The following CNTNAP4 variants were observed in gnomAD, a reference collection of about 807,000 sequenced individuals.
The protein encoded by CNTNAP4 is contactin associated protein family member 4, also known as contactin-associated protein-like 4.
In CNTNAP4, 98 loss-of-function variants were observed where a neutral mutation model predicts 148.4. The ratio of observed to expected loss-of-function variants is 0.66; its 90% CI spans 0.56 to 0.78. The LOEUF is 0.78. CNTNAP4 is among the 30% of genes least tolerant of loss of function. The probability of loss-of-function intolerance (pLI) is 0.00; values close to 1 mark genes in which losing one functional copy is unlikely to be tolerated. For missense variants in CNTNAP4, 1,935 were observed against 1,565.6 expected, an observed-to-expected ratio of 1.24 and a Z score of -3.98; for synonymous variants, 730 against 565.1, an observed-to-expected ratio of 1.29 and a Z score of -4.14.
At chr16:76,285,507 T>G (rs1315526293) in intron 1 of CNTNAP4, among the ~76,000 whole-genome samples, 1 of 152,072 alleles carries the variant, frequency 6.6e-6, no homozygotes, top group Non-Finnish European at 1.5e-5. Context: ...GTACCTCTCA[T>G]TACTTGGCAG....
intron 4 of CNTNAP4, among the ~76,000 whole-genome samples, chr16:76,440,538 C>T (rs558614398): frequency 6.6e-6 from 1 of 152,174 alleles, no homozygotes; most frequent in East Asian, 1.9e-4. Context: ...AATTCATTTC[C>T]AGGTACAATT....
intron 3 of CNTNAP4, among the ~76,000 whole-genome samples, chr16:76,367,633 C>A (rs1169935608): frequency 6.6e-6 from 1 of 152,156 alleles, no homozygotes; most frequent in African/African-American, 2.4e-5. Flanking sequence ...AAAGGGCAGG[C>A]AACCACACAG....
chr16:76,519,620 G>A (rs909563388), intron 15 of CNTNAP4, among the ~76,000 whole-genome samples: 1 of 152,148 alleles, frequency 6.6e-6, no homozygotes, highest in Non-Finnish European at 1.5e-5. Context: ...CAAATGTGTT[G>A]TTATCCCTGA....
chr16:76,494,023 C>G (rs1286100751), intron 13 of CNTNAP4, among the ~76,000 whole-genome samples: 2 of 151,864 alleles, frequency 1.3e-5, no homozygotes, highest in Admixed American at 6.6e-5. Flanking sequence ...CTGACTGATT[C>G]TATGTTGCTT....
chr16:76,385,106 T>G (rs898968432), intron 3 of CNTNAP4, among the ~76,000 whole-genome samples: 8 of 152,200 alleles, frequency 5.3e-5, no homozygotes, highest in African/African-American at 1.9e-4. Flanking sequence ...GGAGCATAAT[T>G]ATAAATATTT....
In CNTNAP4 at chr16:76,537,388, A is replaced by C. The variant is rs191069065; in HGVS notation, c.2996-728A>C. Reference sequence around the variant, plus strand: ...GTAATGGAGAGAAGCAGATTCAGGGATTTAAAACTAGTTATTTCTTCTGCC... The same window carrying C: ...GTAATGGAGAGAAGCAGATTCAGGGCTTTAAAACTAGTTATTTCTTCTGCC... On this transcript the variant is annotated intron_variant, in intron 18 of 23. Transcript: ENST00000611870. Among the ~76,000 whole-genome samples, 120 of 152,242 alleles carry C rather than the reference A, an allele frequency of 7.9e-4. 1 individual carries two copies. The highest frequency in any genetic ancestry group is 5.9e-5 in the Non-Finnish European group (4 of 67,974).
At chr16:76,498,720 C>A in intron 15 of CNTNAP4, 26 bp downstream of exon 15, 2 of 1,559,568 alleles carry the variant, frequency 1.3e-6, no homozygotes, top group South Asian at 1.2e-5. Flanking sequence ...GTGTTGAAAC[C>A]GTATTTGAGA....
chr16:76,474,586 C>A (rs986217544), intron 10 of CNTNAP4, among the ~76,000 whole-genome samples: 4 of 152,048 alleles, frequency 2.6e-5, no homozygotes, highest in Non-Finnish European at 1.5e-5. Context: ...CAAATGTGTT[C>A]TTGCAGGTTT....
intron 23 of CNTNAP4, chr16:76,558,223 T>C: frequency 3.1e-6 from 1 of 323,764 alleles, no homozygotes; most frequent in East Asian, 5.5e-5. Flanking sequence ...TACCTTGTGT[T>C]AAATATAAAT....
chr16:76,350,533 A>T (rs935690079), intron 2 of CNTNAP4, among the ~76,000 whole-genome samples: 5 of 152,322 alleles, frequency 3.3e-5, no homozygotes, highest in African/African-American at 1.2e-4. Context: ...CAGAAATCTG[A>T]TGTTGAAAAG....
At chr16:76,499,585 C>A (rs537317134) in intron 15 of CNTNAP4, among the ~76,000 whole-genome samples, 2 of 150,962 alleles carry the variant, frequency 1.3e-5, no homozygotes, top group South Asian at 4.2e-4. Flanking sequence ...ATTTATTGAT[C>A]ATTCTTGGGT....
At chr16:76,311,446 T>G (rs1961097858) in intron 1 of CNTNAP4, among the ~76,000 whole-genome samples, 1 of 152,180 alleles carries the variant, frequency 6.6e-6, no homozygotes, top group African/African-American at 2.4e-5. Flanking sequence ...ATATGGTGTA[T>G]CTATATGAAA....
chr16:76,308,422 C>G (rs1245216383), intron 1 of CNTNAP4, among the ~76,000 whole-genome samples: 1 of 152,044 alleles, frequency 6.6e-6, no homozygotes, highest in African/African-American at 2.4e-5. Flanking sequence ...GTCAGTTTTC[C>G]CTAAACTTAT....
Position 76,436,987 on chromosome 16 carries a change from GTCTA to G in CNTNAP4, c.538+9393_538+9396del, listed in dbSNP as rs59086267. On this transcript the variant is annotated intron_variant, in intron 4 of 23. Coordinates refer to ENST00000611870, the MANE Select transcript of CNTNAP4 (RefSeq NM_033401.5). The stretch of plus-strand genomic sequence containing the variant: ...TATCTATCTATCTATCTATCTATCT[GTCTA>G]TCTAGGAGTTTATTAAGGAGTATTA... 4.0e-5 allele frequency among the ~76,000 whole-genome samples: 6 copies of G among 151,310 alleles called. No individual in the cohort carries two copies. The East Asian group carries it at 7.8e-4, about 20-fold the overall frequency.
intron 4 of CNTNAP4, among the ~76,000 whole-genome samples, chr16:76,439,599 C>T (rs932904886): frequency 1.9e-4 from 29 of 152,138 alleles, no homozygotes; most frequent in African/African-American, 6.5e-4. Context: ...AATTTCAAAT[C>T]TGTTTAAAAG....
At chr16:76,356,871 G>C (rs1339111472) in intron 3 of CNTNAP4, among the ~76,000 whole-genome samples, 1 of 151,960 alleles carries the variant, frequency 6.6e-6, no homozygotes, top group Non-Finnish European at 1.5e-5. Context: ...TAAAGCTCTT[G>C]GTGGCCATTC....
intron 3 of CNTNAP4, among the ~76,000 whole-genome samples, chr16:76,401,958 G>A (rs1442373703): frequency 6.6e-6 from 1 of 152,040 alleles, no homozygotes. Flanking sequence ...ATTTTGTTGA[G>A]GATTTTTGTA....
chr16:76,285,790 G>T (rs771454872), intron 1 of CNTNAP4, among the ~76,000 whole-genome samples: 1 of 151,578 alleles, frequency 6.6e-6, no homozygotes, highest in Non-Finnish European at 1.5e-5. Flanking sequence ...CTTTGAATAA[G>T]GACACGGATA....
intron 1 of CNTNAP4, among the ~76,000 whole-genome samples, chr16:76,288,021 TC>T (rs1597084337): frequency 6.6e-6 from 1 of 152,106 alleles, no homozygotes; most frequent in East Asian, 1.9e-4. Context: ...TGGCTCTATT[TC>T]CCCCACCCAA....
Sources: allele counts gnomAD v4.1 joint callset (sites outside exome capture counted in the v4.1 genomes callset), GRCh38; gene constraint gnomAD v4.1.1; transcripts MANE v1.5; gene names NCBI Gene and HGNC (gene_info 2026-07-23, HGNC 2026-07-21).